CHST11: variants seen among roughly 807,000 people sequenced by gnomAD.
CHST11 encodes C4S-1.
Under a neutral mutation model 30.4 loss-of-function variants are expected in CHST11, and 9 were observed. The ratio of observed to expected loss-of-function variants is 0.30; its 90% CI spans 0.18 to 0.52. The LOEUF (loss-of-function observed/expected upper bound fraction) is 0.52, where lower values mean the gene tolerates loss of function less well. Ranked by LOEUF, CHST11 falls within the 20% of genes least tolerant of loss-of-function variation. The probability of loss-of-function intolerance (pLI) is 0.97; values close to 1 mark genes in which losing one functional copy is unlikely to be tolerated. For synonymous variants in CHST11, 152 were observed against 187.8 expected (o/e 0.81, Z 1.56); for missense variants, 348 against 460.6 (o/e 0.76, Z 2.24).
intron 1 of CHST11, among the ~76,000 whole-genome samples, chr12:104,466,197 A>G (rs1013753583): frequency 3.9e-5 from 6 of 152,152 alleles, no homozygotes; most frequent in African/African-American, 1.4e-4. Flanking sequence ...TATTTACTAG[A>G]GGGAATTTTG....
intron 1 of CHST11, among the ~76,000 whole-genome samples, chr12:104,571,722 T>C (rs1592769095): frequency 1.3e-5 from 2 of 152,292 alleles, no homozygotes; most frequent in African/African-American, 4.8e-5. Context: ...TATTATCAAA[T>C]CCAGCCACTG....
intron 2 of CHST11, among the ~76,000 whole-genome samples, chr12:104,625,673 C>T (rs1487293483): frequency 6.6e-6 from 1 of 152,178 alleles, no homozygotes; most frequent in East Asian, 1.9e-4. Flanking sequence ...CTGAAAAAAG[C>T]AAAATTTCTG....
intron 1 of CHST11, among the ~76,000 whole-genome samples, chr12:104,482,532 C>CTCTTCTCTTATTAT (rs2135961776): frequency 6.6e-6 from 1 of 152,250 alleles, no homozygotes; most frequent in South Asian, 2.1e-4. Flanking sequence ...TTTGGCTTTT[C>CTCTTCTCTTATTAT]CCACAGAGGA....
At chr12:104,484,493 G>T (rs1266025927) in intron 1 of CHST11, among the ~76,000 whole-genome samples, 1 of 152,174 alleles carries the variant, frequency 6.6e-6, no homozygotes, top group African/African-American at 2.4e-5. Context: ...GAGATATGGA[G>T]GTGACAAGGC....
At chr12:104,736,176 A>G (rs1400568160) in intron 2 of CHST11, among the ~76,000 whole-genome samples, 1 of 152,206 alleles carries the variant, frequency 6.6e-6, no homozygotes, top group Non-Finnish European at 1.5e-5. Context: ...CGCCTCTGGT[A>G]TAAATCCTCC....
intron 1 of CHST11, among the ~76,000 whole-genome samples, chr12:104,538,906 G>A (rs1175329523): frequency 6.6e-6 from 1 of 152,156 alleles, no homozygotes; most frequent in Non-Finnish European, 1.5e-5. Context: ...TTGTATTTCA[G>A]ACACGGTGTC....
intron 1 of CHST11, among the ~76,000 whole-genome samples, chr12:104,527,407 G>T (rs530148411): frequency 1.6e-4 from 24 of 152,146 alleles, no homozygotes; most frequent in Admixed American, 7.2e-4. Flanking sequence ...TCTGGCTGCT[G>T]TCTGCCTTTC....
chr12:104,643,693 A>G (rs2039399600), intron 2 of CHST11, among the ~76,000 whole-genome samples: 1 of 152,074 alleles, frequency 6.6e-6, no homozygotes, highest in Admixed American at 6.5e-5. Context: ...GTTGCACTTG[A>G]GGAGTTTTTC....
At chr12:104,582,349 C>T (rs1445285969) in intron 1 of CHST11, among the ~76,000 whole-genome samples, 1 of 152,138 alleles carries the variant, frequency 6.6e-6, no homozygotes, top group Non-Finnish European at 1.5e-5. Flanking sequence ...CAGTGCTCTG[C>T]TCCTGAGCAA....
chr12:104,742,293 T>G (rs1451209550), intron 2 of CHST11, among the ~76,000 whole-genome samples: 2 of 152,108 alleles, frequency 1.3e-5, no homozygotes, highest in African/African-American at 4.8e-5. Context: ...GAGGAGATCC[T>G]GAAGGGAGGC....
chr12:104,680,144 G>C (rs149654048), intron 2 of CHST11, among the ~76,000 whole-genome samples: 1 of 152,226 alleles, frequency 6.6e-6, no homozygotes, highest in Non-Finnish European at 1.5e-5. Context: ...TGTAATCCTT[G>C]TTCTCAAGGG....
chr12:104,503,424 A>G (rs2037871634), intron 1 of CHST11, among the ~76,000 whole-genome samples: 1 of 152,218 alleles, frequency 6.6e-6, no homozygotes. Flanking sequence ...CGTTAACACT[A>G]TCAGAGCCTC....
chr12:104,578,247 G>A (rs1416915576), intron 1 of CHST11, among the ~76,000 whole-genome samples: 1 of 152,200 alleles, frequency 6.6e-6, no homozygotes, highest in Non-Finnish European at 1.5e-5. Context: ...CTGGTCTCCA[G>A]ACCCATTGAC....
intron 1 of CHST11, among the ~76,000 whole-genome samples, chr12:104,561,332 A>T (rs2038512159): frequency 6.6e-6 from 1 of 152,200 alleles, no homozygotes; most frequent in Admixed American, 6.5e-5. Context: ...GTAGCCCAGG[A>T]TGGCTCTCCA....
intron 1 of CHST11, among the ~76,000 whole-genome samples, chr12:104,466,008 C>A (rs897505458): frequency 6.6e-6 from 1 of 151,832 alleles, no homozygotes; most frequent in Non-Finnish European, 1.5e-5. Context: ...TACAGGTGCC[C>A]GCCATCACGC....
chr12:104,743,732 A>G (rs11112181), intron 2 of CHST11, among the ~76,000 whole-genome samples: 14,216 of 152,110 alleles, frequency 0.093, 1,409 homozygotes, highest in East Asian at 0.47. Context: ...CCCAGTACCC[A>G]TTAGTTGTTT....
At chr12:104,680,567 C>T (rs117757623) in intron 2 of CHST11, among the ~76,000 whole-genome samples, 2 of 152,340 alleles carry the variant, frequency 1.3e-5, no homozygotes, top group East Asian at 3.9e-4. Context: ...TGGAGCCTCC[C>T]ACTGGTGTCC....
intron 2 of CHST11, among the ~76,000 whole-genome samples, chr12:104,659,524 T>C (rs2136087132): frequency 6.6e-6 from 1 of 152,224 alleles, no homozygotes; most frequent in African/African-American, 2.4e-5. Context: ...GAGTGTGAAT[T>C]GAGACATGCT....
chr12:104,560,156 G>A (rs1014527194), intron 1 of CHST11, among the ~76,000 whole-genome samples: 6 of 152,274 alleles, frequency 3.9e-5, no homozygotes, highest in Non-Finnish European at 7.4e-5. Flanking sequence ...GCAGGCAAGG[G>A]TTAGATTACA....
Sources: gnomAD v4.1 joint callset for allele counts (sites outside exome capture counted in the v4.1 genomes callset) on GRCh38, gnomAD v4.1.1 for gene constraint, MANE v1.5 for transcripts, NCBI Gene and HGNC (gene_info 2026-07-23, HGNC 2026-07-21) for gene names.